Variants in PLXNA1 observed in about 807,000 individuals in gnomAD.
PLXNA1 encodes the protein plexin-A1.
Under a neutral mutation model 191.7 loss-of-function variants are expected in PLXNA1, and 77 were observed. That is an observed-to-expected ratio of 0.40 (90% CI 0.33 to 0.49). The LOEUF is 0.49. Among genes scored for constraint, PLXNA1 ranks in the 20% least tolerant of loss-of-function variants. The probability of loss-of-function intolerance (pLI) is 0.63; values close to 1 mark genes in which losing one functional copy is unlikely to be tolerated. For missense variants in PLXNA1, 2,110 were observed against 2,660.2 expected (o/e 0.79, Z 4.55); for synonymous variants, 1,137 against 1,156.4 (o/e 0.98, Z 0.34).
chr3:127,030,366 C>A lies in PLXNA1; in HGVS notation c.5185C>A (p.His1729Asn), dbSNP rs1447449284. The change falls in exon 29 of 32, where the codon CAC (histidine) becomes AAC (asparagine). Residue 1729 changes from histidine to asparagine, a missense_variant. Transcript: ENST00000393409. Reference sequence around the variant, plus strand: ...CTTCCTGGATGAGCAGGCCGACAAGCACCAGATCCACGATGCTGACGTGCG... The same window carrying A: ...CTTCCTGGATGAGCAGGCCGACAAGAACCAGATCCACGATGCTGACGTGCG... ...FDFLDEQADK[H>N]QIHDADVRHT... 1 of 1,613,888 alleles carries A rather than the reference C, an allele frequency of 6.2e-7. No individual in the cohort carries two copies. The highest frequency in any genetic ancestry group is 8.5e-7 in the Non-Finnish European group (1 of 1,180,020).
intron 2 of PLXNA1, among the ~76,000 whole-genome samples, chr3:126,990,725 A>T (rs2078986089): frequency 6.6e-6 from 1 of 152,210 alleles, no homozygotes; most frequent in Non-Finnish European, 1.5e-5. Context: ...TCTCACGCTC[A>T]CTGCCTGTGT....
Position 127,022,165 on chromosome 3 carries a change from C to G in PLXNA1, c.4119C>G (p.Arg1373=). The G allele has an allele frequency of 6.2e-7, 1 of 1,613,430 alleles. No individual in the cohort carries two copies. The highest frequency in any genetic ancestry group is 8.5e-7 in the Non-Finnish European group (1 of 1,180,002). ...AGCACTTCCTGCTGACCTTCATCCG[C>G]ACGCTGGAGGCACAGCGCAGCTTCT... ...TKKHFLLTFI[R]TLEAQRSFSM... Residue 1373 remains arginine (R), a synonymous_variant, in exon 22 of 32, where the codon CGC becomes CGG. Transcript: ENST00000393409.
intron 1 of PLXNA1, 30 bp from the exon 2 acceptor site, chr3:126,988,491 T>G: frequency 1.9e-6 from 2 of 1,034,080 alleles, no homozygotes; most frequent in South Asian, 1.7e-5. Context: ...CATGCCTGCA[T>G]TCACATGCCC....
At position 127,032,507 on chromosome 3, in the gene PLXNA1, C is replaced by T; in HGVS notation, c.5352C>T (p.Cys1784=). The T allele has an allele frequency of 1.2e-6, 2 of 1,614,092 alleles. No individual in the cohort carries two copies. The highest frequency in any genetic ancestry group is 2.2e-5 in the South Asian group (2 of 91,078). ...TGGCCCAGACCTTCATGGACTCCTG[C>T]TCCACCTCTGAGCACAAGCTGGGCA... ...SVVAQTFMDS[C]STSEHKLGKD... Residue 1784 remains cysteine, a synonymous_variant, in exon 30 of 32, where the codon TGC becomes TGT. Transcript: ENST00000393409.
rs1213735631 is a variant in PLXNA1 at position 127,005,001 on chromosome 3, A to C, written c.1736A>C (p.Gln579Pro). ...QPRNVSVTMSQVPLVLQAWNV... is the reference protein window; with the variant it reads ...QPRNVSVTMSPVPLVLQAWNV... ...CGCAATGTGTCTGTCACCATGTCCC[A>C]GGTCCCAGTAAGTGTGGCACCCCAG... The change falls in exon 6 of 32, where the codon CAG becomes CCG. Residue 579 changes from glutamine to proline, a missense_variant. Transcript: ENST00000393409. The C allele has an allele frequency of 6.8e-6, 11 of 1,608,876 alleles. No homozygotes were observed.
intron 5 of PLXNA1, 43 bp from the exon 6 acceptor site, chr3:127,004,842 G>T (rs770500148): frequency 1.3e-6 from 2 of 1,566,278 alleles, no homozygotes; most frequent in Non-Finnish European, 8.7e-7. Flanking sequence ...GGCGGGCCCC[G>T]TAGGTCTCCC....
chr3:127,000,280 C>T (rs994999711), intron 3 of PLXNA1, among the ~76,000 whole-genome samples: 1 of 152,124 alleles, frequency 6.6e-6, no homozygotes, highest in Non-Finnish European at 1.5e-5. Flanking sequence ...GTTCCCATGC[C>T]CGGGACACGT....
At chr3:127,022,970 C>T (rs944849562) in intron 23 of PLXNA1, 152 bp downstream of exon 23, 31 of 671,388 alleles carry the variant, frequency 4.6e-5, no homozygotes, top group Non-Finnish European at 6.8e-5. Flanking sequence ...CCTGGGCATG[C>T]AGCCGCTCTC....
At chr3:126,994,698 G>A (rs191510906) in intron 3 of PLXNA1, among the ~76,000 whole-genome samples, 13 of 152,224 alleles carry the variant, frequency 8.5e-5, no homozygotes, top group Admixed American at 3.9e-4. Flanking sequence ...ACTTCTCCTC[G>A]TCTCTCCTTG....
intron 20 of PLXNA1, among the ~76,000 whole-genome samples, 176 bp from the exon 21 acceptor site, chr3:127,020,026 A>G (rs576371573): frequency 6.6e-6 from 1 of 152,122 alleles, no homozygotes; most frequent in African/African-American, 2.4e-5. Flanking sequence ...GAGAGTTACT[A>G]TCCCTGTGCT....
intron 2 of PLXNA1, among the ~76,000 whole-genome samples, chr3:126,990,721 G>T (rs2078986049): frequency 1.3e-5 from 2 of 152,234 alleles, no homozygotes; most frequent in Non-Finnish European, 2.9e-5. Flanking sequence ...TCCGTCTCAC[G>T]CTCACTGCCT....
chr3:127,034,425 G>C lies in PLXNA1; in HGVS notation c.*408G>C, dbSNP rs2079229078. 6.1e-6 allele frequency: 1 copy of C among 164,310 alleles called. No individual in the cohort carries two copies. The highest frequency in any genetic ancestry group is 2.4e-5 in the African/African-American group (1 of 41,990). The allele number at this position is 164,310 out of a possible 1,614,324, so 10.2% of individuals were successfully genotyped here. A position where few individuals can be genotyped will look rare whatever the true frequency, so the allele number is the denominator to read the frequency against. ...CCTTGAGACCAGGACAAGAGGCTGG[G>C]GGTGTCAGCATTCCCAGCTTTCCAA... On this transcript the variant is annotated 3_prime_UTR_variant, in exon 32 of 32. Transcript: ENST00000393409.
chr3:127,004,666 T>G lies in PLXNA1; in HGVS notation c.1574T>G (p.Leu525Arg), dbSNP rs1429097455. 3.1e-6 allele frequency: 5 copies of G among 1,590,108 alleles called. No individual in the cohort carries two copies. Among genetic ancestry groups the G allele is most frequent in the Non-Finnish European group, 4.3e-6 (5 of 1,168,592 alleles). ...CVQYTSCELC[L>R]GSRDPHCGWC... ...CAGTACACGTCCTGTGAGCTGTGTC[T>G]GGGGTCACGGGACCCCCACTGTGGC... The change falls in exon 5 of 32, where the codon CTG (leucine) becomes CGG (arginine). Residue 525 changes from leucine to arginine, a missense_variant. Leu to Arg is a moderately radical substitution (Grantham distance 102). Around this residue, in one of 4 missense-constraint regions of PLXNA1, gnomAD observed 903 missense variants for 1,015.7 expected, o/e 0.89. Transcript: ENST00000393409.
At position 127,030,194 on chromosome 3, in the gene PLXNA1, G is replaced by T. The variant is rs1219183863; in HGVS notation, c.5062-49G>T. On this transcript the variant is annotated intron_variant, in intron 28 of 31. Transcript: ENST00000393409. ...TTGCCTAGTCACCCAGGAGGTGTAG[G>T]CAGCCAGGCAGCGCCCTGGGGCTCA... 3.8e-6 allele frequency: 6 copies of T among 1,599,472 alleles called. No homozygotes were observed. The East Asian group carries it at 1.3e-4, about 36-fold the overall frequency.
intron 29 of PLXNA1, 149 bp from the exon 30 acceptor site, chr3:127,032,238 A>AC (rs2079215061): frequency 2.7e-6 from 2 of 738,800 alleles, no homozygotes; most frequent in Non-Finnish European, 4.4e-6. Context: ...CCTTCACTTA[A>AC]CCATGGGCCC....
chr3:127,002,273 G>A (rs1203894750), intron 3 of PLXNA1, among the ~76,000 whole-genome samples: 1 of 152,250 alleles, frequency 6.6e-6, no homozygotes, highest in Non-Finnish European at 1.5e-5. Flanking sequence ...CCTGCTTGGT[G>A]GCGAGGCAGC....
chr3:127,018,935 G>A (rs897180568), intron 20 of PLXNA1, among the ~76,000 whole-genome samples: 1 of 152,172 alleles, frequency 6.6e-6, no homozygotes, highest in Non-Finnish European at 1.5e-5. Flanking sequence ...AGCAGAGAGG[G>A]GTGCTTCCAC....
At chr3:126,999,843 A>C (rs1413412314) in intron 3 of PLXNA1, among the ~76,000 whole-genome samples, 1 of 151,716 alleles carries the variant, frequency 6.6e-6, no homozygotes, top group Non-Finnish European at 1.5e-5. Flanking sequence ...TCAGTCCAGG[A>C]GTGAGGGCCA....
Position 127,016,638 on chromosome 3 carries a change from G to A in PLXNA1, c.3136G>A (p.Glu1046Lys), listed in dbSNP as rs769862865. 9.9e-6 allele frequency: 16 copies of A among 1,613,872 alleles called. No homozygotes were observed. The highest frequency in any genetic ancestry group is 9.3e-5 in the African/African-American group (7 of 74,922). The change falls in exon 16 of 32, where the codon GAG becomes AAG. Residue 1046 changes from glutamate to lysine, a missense_variant. This residue lies in a region of PLXNA1 where 644 missense variants were observed against 714.3 expected (regional missense o/e 0.90). Coordinates refer to ENST00000393409, the MANE Select transcript of PLXNA1 (RefSeq NM_032242.4). ...TNPEVKYNYTEDPTILRIDPE... is the reference protein window; with the variant it reads ...TNPEVKYNYTKDPTILRIDPE... ...CCCTGAGGTGAAGTACAACTACACC[G>A]AGGACCCCACCATCCTGAGGATCGA...
Sources: gnomAD v4.1 joint callset for allele counts (sites outside exome capture counted in the v4.1 genomes callset) on GRCh38, gnomAD v4.1.1 for gene constraint, gnomAD v4.1.1 regional missense constraint, MANE v1.5 for transcripts, NCBI Gene and HGNC (gene_info 2026-07-23, HGNC 2026-07-21) for gene names.